Variants in BTAF1 observed in about 807,000 individuals in gnomAD.
BTAF1 encodes B-TFIID TATA-box binding protein associated factor 1.
A neutral mutation model predicts 227.1 loss-of-function variants in BTAF1; 38 were observed. That is an observed-to-expected ratio of 0.17 (90% confidence interval 0.13 to 0.22). BTAF1 has a LOEUF of 0.22. Ranked by LOEUF, BTAF1 falls within the 10% of genes least tolerant of loss-of-function variation. BTAF1 has a pLI of 1.00. For missense variants in BTAF1, 1,598 were observed against 2,204.0 expected (o/e 0.73, Z 5.51); for synonymous variants, 742 against 751.9 (o/e 0.99, Z 0.21).
chr10:92,010,976 G>T, intron 28 of BTAF1, 97 bp from the exon 29 acceptor site: 1 of 853,418 alleles, frequency 1.2e-6, no homozygotes, highest in East Asian at 2.5e-5. Context: ...GGGAATGCTG[G>T]GCTTAGTGGG....
At chr10:91,991,253 T>TATATAAATATAAATATAAAA (rs1848710071) in intron 20 of BTAF1, among the ~76,000 whole-genome samples, 3 of 100,576 alleles carry the variant, frequency 3.0e-5, no homozygotes, top group African/African-American at 8.6e-5. Flanking sequence ...CTCAAAAAAA[T>TATATAAATATAAATATAAAA]ATATAAATAT....
intron 13 of BTAF1, among the ~76,000 whole-genome samples, chr10:91,965,992 A>G (rs1359182813): frequency 3.9e-5 from 6 of 152,242 alleles, no homozygotes; most frequent in Non-Finnish European, 8.8e-5. Context: ...AGTTCCAGGT[A>G]ACTTTTACAA....
At chr10:92,018,077 A>G (rs1306288114) in intron 33 of BTAF1, among the ~76,000 whole-genome samples, 1 of 152,056 alleles carries the variant, frequency 6.6e-6, no homozygotes, top group South Asian at 2.1e-4. Flanking sequence ...TCAGGTTTAT[A>G]AGGTCCTCAA....
chr10:91,945,403 T>G (rs1845297395), intron 4 of BTAF1, among the ~76,000 whole-genome samples: 1 of 152,128 alleles, frequency 6.6e-6, no homozygotes, highest in Non-Finnish European at 1.5e-5. Context: ...CCAGAAGTCT[T>G]CATCATGCAA....
Position 91,989,283 on chromosome 10 carries a change from C to G in BTAF1, c.2557C>G (p.Gln853Glu). The change falls in exon 20 of 38, where the codon CAG (glutamine) becomes GAG (glutamate). Residue 853 changes from glutamine to glutamate, a missense_variant. Transcript: ENST00000265990. ...TETNQEWQVL[Q>E]LRVHTFAACA... ...GACCAACCAGGAGTGGCAAGTGTTGCAGTTGAGAGTGCATACTTTTGCTGC... is the reference window on the plus strand; with the variant it reads ...GACCAACCAGGAGTGGCAAGTGTTGGAGTTGAGAGTGCATACTTTTGCTGC... 1 of 1,614,120 alleles carries G rather than the reference C, an allele frequency of 6.2e-7. No homozygotes were observed. Among genetic ancestry groups the G allele is most frequent in the African/African-American group, 1.3e-5 (1 of 75,010 alleles).
At chr10:92,005,917 G>C (rs949015214) in intron 25 of BTAF1, among the ~76,000 whole-genome samples, 1 of 151,416 alleles carries the variant, frequency 6.6e-6, no homozygotes, top group Non-Finnish European at 1.5e-5. Context: ...TGTCACCCAG[G>C]CTGGAGGACA....
intron 25 of BTAF1, among the ~76,000 whole-genome samples, chr10:92,003,606 A>T (rs151304765): frequency 6.6e-6 from 1 of 152,362 alleles, no homozygotes; most frequent in East Asian, 1.9e-4. Context: ...AATAGTATCC[A>T]GTTATATATA....
chr10:91,998,397 G>A (rs775418719), intron 25 of BTAF1, among the ~76,000 whole-genome samples: 9 of 152,062 alleles, frequency 5.9e-5, no homozygotes, highest in Non-Finnish European at 7.4e-5. Context: ...GGTGTAGACT[G>A]TGGGCTAAAG....
chr10:91,925,256 A>T (rs1684309687), intron 1 of BTAF1, among the ~76,000 whole-genome samples: 1 of 152,202 alleles, frequency 6.6e-6, no homozygotes, highest in African/African-American at 2.4e-5. Flanking sequence ...TTGAGAGAAT[A>T]CAAGTGACAT....
chr10:92,009,308 G>T, intron 28 of BTAF1, 100 bp downstream of exon 28: 3 of 1,266,724 alleles, frequency 2.4e-6, no homozygotes, highest in Non-Finnish European at 3.3e-6. Context: ...AGCTCTTTTG[G>T]TTGTATGACA....
In BTAF1 at chr10:92,016,452, G is replaced by A; in HGVS notation, c.4697G>A (p.Gly1566Asp). The change falls in exon 33 of 38, where the codon GGC becomes GAC. Residue 1566 changes from glycine (G) to aspartate (D), a missense_variant. Transcript: ENST00000265990. ...ETEKPKLKAT[G>D]HVFQALQYLR... ...GAAAAACCAAAGCTTAAAGCTACAGGCCACGTATTCCAGGTATAGATTACA... is the reference window on the plus strand; with the variant it reads ...GAAAAACCAAAGCTTAAAGCTACAGACCACGTATTCCAGGTATAGATTACA... 6.4e-7 allele frequency: 1 copy of A among 1,566,586 alleles called. No individual in the cohort carries two copies.
chr10:91,947,948 TTTTG>T (rs1156277024), intron 4 of BTAF1, among the ~76,000 whole-genome samples: 1 of 152,164 alleles, frequency 6.6e-6, no homozygotes, highest in Admixed American at 6.5e-5. Flanking sequence ...ATATTTGGGC[TTTTG>T]TTTCTTTATA....
At position 92,000,511 on chromosome 10, in the gene BTAF1, A is replaced by G. The variant is rs761023307; in HGVS notation, c.3660+2760A>G. Among the ~76,000 whole-genome samples, 12 of 152,168 alleles carry G rather than the reference A, an allele frequency of 7.9e-5. No individual in the cohort carries two copies. In the South Asian group the frequency reaches 8.3e-4, roughly 11 times the overall value. On this transcript the variant is annotated intron_variant, in intron 25 of 37. Coordinates refer to ENST00000265990, the MANE Select transcript of BTAF1 (RefSeq NM_003972.3). The stretch of plus-strand genomic sequence containing the variant: ...CCACTGTGAGGTGATAAAGGGTCTA[A>G]ACTCTAATGCTTAGCAGTAGTCTTT...
chr10:91,935,894 C>CTT, intron 2 of BTAF1, 114 bp downstream of exon 2: 27 of 865,790 alleles, frequency 3.1e-5, no homozygotes, highest in Admixed American at 4.3e-5. Flanking sequence ...TTTGCTATTT[C>CTT]TTTTTTTTTT....
chr10:91,939,263 A>G (rs1483389624), intron 2 of BTAF1, among the ~76,000 whole-genome samples: 2 of 152,182 alleles, frequency 1.3e-5, no homozygotes, highest in Non-Finnish European at 2.9e-5. Context: ...TAATGTGTGG[A>G]AATACAATTG....
intron 1 of BTAF1, among the ~76,000 whole-genome samples, chr10:91,926,473 A>G (rs1843838552): frequency 6.6e-6 from 1 of 152,104 alleles, no homozygotes; most frequent in Admixed American, 6.5e-5. Context: ...TACCAAATCC[A>G]ATCCTGTATA....
chr10:91,995,183 T>G (rs1849049205), intron 23 of BTAF1, among the ~76,000 whole-genome samples: 1 of 152,142 alleles, frequency 6.6e-6, no homozygotes, highest in African/African-American at 2.4e-5. Context: ...CATAGAAGAA[T>G]ATTATTCTTT....
At chr10:92,009,815 A>G (rs1344092446) in intron 28 of BTAF1, among the ~76,000 whole-genome samples, 1 of 152,122 alleles carries the variant, frequency 6.6e-6, no homozygotes, top group Non-Finnish European at 1.5e-5. Flanking sequence ...CCCCTTCCCT[A>G]TTAACTAGTA....
rs372689460 is a variant in BTAF1, at chr10:92,013,682, C to T, written c.4327C>T (p.Leu1443=). 327 of 1,613,964 alleles carry T rather than the reference C, an allele frequency of 2.0e-4. 1 individual carries two copies. The highest frequency in any genetic ancestry group is 8.2e-4 in the Middle Eastern group (5 of 6,062). Residue 1443 remains leucine, a synonymous_variant, in exon 31 of 38, where the codon CTG becomes TTG. Coordinates refer to ENST00000265990, the MANE Select transcript of BTAF1 (RefSeq NM_003972.3). Reference sequence around the variant, plus strand: ...CTGTTTACAGAACAACGTTTTGGAGCTGTGGTCATTATTTGATTTCCTCAT... The same window carrying T: ...CTGTTTACAGAACAACGTTTTGGAGTTGTGGTCATTATTTGATTTCCTCAT... ...GTPIQNNVLE[L]WSLFDFLMPG...
Sources: allele counts gnomAD v4.1 joint callset (sites outside exome capture counted in the v4.1 genomes callset), GRCh38; gene constraint gnomAD v4.1.1; transcripts MANE v1.5; gene names NCBI Gene and HGNC (gene_info 2026-07-23, HGNC 2026-07-21).